Variants in POLI observed in about 807,000 individuals in gnomAD.
The protein encoded by POLI is RAD30 homolog B.
A neutral mutation model predicts 51.6 loss-of-function variants in POLI; 58 were observed. The ratio of observed to expected loss-of-function variants is 1.12; its 90% CI spans 0.91 to 1.40. The LOEUF is 1.40. POLI is among the 40% of genes most tolerant of loss of function. The pLI is 0.00. For missense variants in POLI, 921 were observed against 871.3 expected (o/e 1.06, Z -0.72); for synonymous variants, 322 against 299.7 (o/e 1.07, Z -0.77).
downstream of POLI, among the ~76,000 whole-genome samples, chr18:54,298,650 G>A (rs2144624585): frequency 6.8e-6 from 1 of 147,738 alleles, no homozygotes; most frequent in Admixed American, 6.8e-5. Flanking sequence ...GAGTGCAAAG[G>A]TGTGATCTTG....
intron 3 of POLI, among the ~76,000 whole-genome samples, chr18:54,319,080 T>A (rs948707): frequency 0.36 from 54,297 of 151,910 alleles, 11,272 homozygotes; most frequent in East Asian, 0.68. Context: ...GCTTAGAACA[T>A]TGGGACAATG....
In POLI at chr18:54,294,679, A is replaced by G. The variant is rs1253176148; in HGVS notation, c.*212A>G. ...ATGTAAAATACTATCTTTTATGTCT[A>G]AAGCCATTTTATATTACTTTTCAAT... On this transcript the variant is annotated 3_prime_UTR_variant, in exon 10 of 10. Coordinates refer to ENST00000579534, the MANE Select transcript of POLI (RefSeq NM_007195.3). 2 of 1,184,708 alleles carry G rather than the reference A, an allele frequency of 1.7e-6. No homozygotes were observed. Among genetic ancestry groups the G allele is most frequent in the Non-Finnish European group, 2.1e-6 (2 of 952,208 alleles). The allele number at this position is 1,184,708 out of a possible 1,614,324, so 73.4% of individuals were successfully genotyped here. A position where few individuals can be genotyped will look rare whatever the true frequency, so the allele number is the denominator to read the frequency against.
intron 3 of POLI, among the ~76,000 whole-genome samples, chr18:54,315,604 C>A (rs2088724283): frequency 6.6e-6 from 1 of 152,052 alleles, no homozygotes. Context: ...TTTTGTAGGT[C>A]TAGAAGTAGT....
At chr18:54,271,895 A>G (rs1035907692) in intron 2 of POLI, among the ~76,000 whole-genome samples, 1 of 152,196 alleles carries the variant, frequency 6.6e-6, no homozygotes, top group African/African-American at 2.4e-5. Context: ...TGTAACATCT[A>G]ACTAACTAGT....
intron 3 of POLI, among the ~76,000 whole-genome samples, chr18:54,317,948 G>A (rs2088755420): frequency 6.6e-6 from 1 of 152,134 alleles, no homozygotes; most frequent in Non-Finnish European, 1.5e-5. Context: ...CTAAATCAAA[G>A]TTGATTCTGA....
rs981010811 is a variant in POLI at position 54,295,208 on chromosome 18, A to G, written c.*741A>G. 3.0e-6 allele frequency: 3 copies of G among 985,296 alleles called. No individual in the cohort carries two copies. The highest frequency in any genetic ancestry group is 3.6e-6 in the Non-Finnish European group (3 of 829,920). 61.0% of individuals were successfully genotyped at this position (985,296 alleles called of 1,614,324 possible). A position where few individuals can be genotyped will look rare whatever the true frequency, so the allele number is the denominator to read the frequency against. Reference sequence around the variant, plus strand: ...GGCAAGGTGATGGGCCTATAAGCATACTGGATAATGGAAGAAGTCCATTTC... The same window carrying G: ...GGCAAGGTGATGGGCCTATAAGCATGCTGGATAATGGAAGAAGTCCATTTC... On this transcript the variant is annotated 3_prime_UTR_variant, in exon 10 of 10. Coordinates refer to ENST00000579534, the MANE Select transcript of POLI (RefSeq NM_007195.3).
rs548820561 is a variant in POLI, at chr18:54,290,182, A to G, written c.1199-1651A>G. 4.6e-5 allele frequency among the ~76,000 whole-genome samples: 7 copies of G among 152,376 alleles called. No homozygotes were observed. In the East Asian group the frequency reaches 7.7e-4, roughly 17 times the overall value. On this transcript the variant is annotated intron_variant, in intron 8 of 9. Coordinates refer to ENST00000579534, the MANE Select transcript of POLI (RefSeq NM_007195.3). ...AAGTGGGCAAAGGATATGAACAGAC[A>G]CTTTTCAAAAGAAGACATTTATGCT...
At chr18:54,318,119 C>T (rs565847007) in intron 3 of POLI, among the ~76,000 whole-genome samples, 1 of 152,032 alleles carries the variant, frequency 6.6e-6, no homozygotes, top group East Asian at 1.9e-4. Context: ...TTTTTTTGTA[C>T]TCTAATGACA....
chr18:54,287,596 T>A (rs3730775), intron 8 of POLI, 185 bp downstream of exon 8: 191,771 of 460,060 alleles, frequency 0.42, 41,859 homozygotes, highest in East Asian at 0.7. Flanking sequence ...TTATTTATTT[T>A]TTGAGACAGG....
rs1849175065 is a variant in POLI, at chr18:54,280,902, T to G, written c.795T>G (p.Pro265=). 6.7e-7 allele frequency: 1 copy of G among 1,488,146 alleles called. No individual in the cohort carries two copies. Among genetic ancestry groups the G allele is most frequent in the South Asian group, 1.1e-5 (1 of 88,174 alleles). 92.2% of individuals were successfully genotyped at this position (1,488,146 alleles called of 1,614,324 possible). Residue 265 remains proline, a splice_region_variant and synonymous_variant, in exon 5 of 10, where the codon CCT becomes CCG. Coordinates refer to ENST00000579534, the MANE Select transcript of POLI (RefSeq NM_007195.3). The part of the protein sequence containing the change: ...IHSLNHIKEI[P]GIGYKTAKCL... ...GTTTGAATCACATAAAGGAAATACC[T>G]GGTAAGACAAATATATTTGAAAAGT...
At chr18:54,305,941 G>C (rs1599274566) in intron 3 of POLI, among the ~76,000 whole-genome samples, 1 of 152,010 alleles carries the variant, frequency 6.6e-6, no homozygotes, top group Non-Finnish European at 1.5e-5. Context: ...TGTATTTTTA[G>C]TAGATACGGG....
intron 3 of POLI, among the ~76,000 whole-genome samples, chr18:54,277,323 C>T (rs933115999): frequency 6.6e-6 from 1 of 152,130 alleles, no homozygotes; most frequent in Non-Finnish European, 1.5e-5. Flanking sequence ...TATACTATTA[C>T]TTGTTTTTAA....
chr18:54,308,558 T>C (rs2088624749), intron 3 of POLI, among the ~76,000 whole-genome samples: 1 of 147,146 alleles, frequency 6.8e-6, no homozygotes, highest in South Asian at 2.2e-4. Flanking sequence ...CAATTATGTG[T>C]CTTGGGGTTG....
At position 54,295,339 on chromosome 18, in the gene POLI, A is replaced by G. The variant is rs1259233740; in HGVS notation, c.*872A>G. 3 of 984,730 alleles carry G rather than the reference A, an allele frequency of 3.0e-6. No individual in the cohort carries two copies. The South Asian group carries it at 1.4e-4, about 46-fold the overall frequency. 61.0% of individuals were successfully genotyped at this position (984,730 alleles called of 1,614,324 possible). ...ATAACAACCACAAATATAGACCATT[A>G]CTAAATTGGTGGATGTCCTCTTTCT... On this transcript the variant is annotated 3_prime_UTR_variant, in exon 10 of 10. Transcript: ENST00000579534.
At chr18:54,301,922 C>T (rs530394742), downstream of POLI, among the ~76,000 whole-genome samples, 1 of 152,230 alleles carries the variant, frequency 6.6e-6, no homozygotes, top group South Asian at 2.1e-4. Context: ...TTCTCAGATA[C>T]AGTATCTTCT....
downstream of POLI, among the ~76,000 whole-genome samples, chr18:54,302,525 A>T (rs1325268646): frequency 1.3e-5 from 2 of 152,228 alleles, no homozygotes; most frequent in Non-Finnish European, 2.9e-5. Flanking sequence ...ATAGGGGTAC[A>T]TGAGATTCTT....
At chr18:54,273,306 A>G (rs1046731707) in intron 2 of POLI, among the ~76,000 whole-genome samples, 6 of 151,150 alleles carry the variant, frequency 4.0e-5, no homozygotes, top group Non-Finnish European at 7.4e-5. Context: ...ATATTGCTTT[A>G]TATTAGCAAG....
intron 4 of POLI, among the ~76,000 whole-genome samples, chr18:54,278,758 T>C (rs909810052): frequency 6.6e-6 from 1 of 152,256 alleles, no homozygotes; most frequent in African/African-American, 2.4e-5. Flanking sequence ...GATTAGGCTT[T>C]CAGACATCTT....
intron 6 of POLI, 40 bp from the exon 7 acceptor site, chr18:54,283,882 T>C (rs192372012): frequency 2.8e-6 from 2 of 726,598 alleles, no homozygotes; most frequent in African/African-American, 3.5e-5. Flanking sequence ...GATATAGTTA[T>C]TTGAGTTTGT....
Sources: gnomAD v4.1 joint callset for allele counts (sites outside exome capture counted in the v4.1 genomes callset) on GRCh38, gnomAD v4.1.1 for gene constraint, MANE v1.5 for transcripts, NCBI Gene and HGNC (gene_info 2026-07-23, HGNC 2026-07-21) for gene names.